CDH13: variants seen among roughly 807,000 people sequenced by gnomAD.
The protein encoded by CDH13 is cadherin 13.
A neutral mutation model predicts 63.8 loss-of-function variants in CDH13; 24 were observed. The ratio of observed to expected loss-of-function variants is 0.38; its 90% CI spans 0.27 to 0.53. The LOEUF (loss-of-function observed/expected upper bound fraction) is 0.53. Among genes scored for constraint, CDH13 ranks in the 20% least tolerant of loss-of-function variants. The probability of loss-of-function intolerance (pLI) is 0.85; values close to 1 mark genes in which losing one functional copy is unlikely to be tolerated. For missense variants in CDH13, 1,049 were observed against 903.1 expected, an observed-to-expected ratio of 1.16 and a Z score of -2.07; for synonymous variants, 503 against 355.3, an observed-to-expected ratio of 1.42 and a Z score of -4.67.
At chr16:83,571,618 T>C (rs777989728) in intron 7 of CDH13, among the ~76,000 whole-genome samples, 5 of 152,146 alleles carry the variant, frequency 3.3e-5, no homozygotes, top group African/African-American at 4.8e-5. Context: ...TGCCACTCCT[T>C]AATGTAACGC....
intron 4 of CDH13, among the ~76,000 whole-genome samples, chr16:83,160,136 T>A (rs1294990633): frequency 6.6e-6 from 1 of 152,148 alleles, no homozygotes; most frequent in Non-Finnish European, 1.5e-5. Flanking sequence ...CTGTTGGATG[T>A]ACCATGATTC....
chr16:83,323,231 T>C (rs865900992), intron 5 of CDH13, among the ~76,000 whole-genome samples: 13 of 141,668 alleles, frequency 9.2e-5, no homozygotes, highest in African/African-American at 2.1e-4. Flanking sequence ...TCTTTCTTTC[T>C]TTCTTTCTTT....
chr16:82,947,012 G>GTA (rs1904803080), intron 2 of CDH13, among the ~76,000 whole-genome samples: 1 of 147,242 alleles, frequency 6.8e-6, no homozygotes, highest in African/African-American at 2.5e-5. Flanking sequence ...GCCTGTGTGT[G>GTA]TGTGTGTGTG....
At chr16:83,075,407 G>C (rs998398540) in intron 3 of CDH13, among the ~76,000 whole-genome samples, 1 of 152,164 alleles carries the variant, frequency 6.6e-6, no homozygotes, top group Non-Finnish European at 1.5e-5. Context: ...TGTGAGCTGG[G>C]TTCTTCTTTC....
rs886988340 is a variant in CDH13, at chr16:83,486,740, G to T, written c.960+85G>T. The stretch of plus-strand genomic sequence containing the variant: ...GGATGATGTGGGGCTCCAGTCAGTG[G>T]TTTTTTTTAATACTGTAAAGGCAGA... On this transcript the variant is annotated intron_variant, in intron 7 of 13. Transcript: ENST00000567109. 17 of 1,299,890 alleles carry T rather than the reference G, an allele frequency of 1.3e-5. No homozygotes were observed. The African/African-American group carries it at 2.1e-4, about 16-fold the overall frequency. The allele number at this position is 1,299,890 out of a possible 1,614,324, so 80.5% of individuals were successfully genotyped here. A position where few individuals can be genotyped will look rare whatever the true frequency, so the allele number is the denominator to read the frequency against.
intron 10 of CDH13, among the ~76,000 whole-genome samples, chr16:83,736,878 C>T (rs959269601): frequency 5.3e-5 from 8 of 152,182 alleles, no homozygotes; most frequent in Non-Finnish European, 1.0e-4. Context: ...CCAGAAGAAA[C>T]TAGGAGCAGA....
intron 6 of CDH13, among the ~76,000 whole-genome samples, chr16:83,371,303 A>G (rs2091363027): frequency 6.6e-6 from 1 of 152,182 alleles, no homozygotes. Context: ...CTGCATCTTC[A>G]GTCACATTCT....
chr16:83,293,675 C>G (rs1276409623), intron 5 of CDH13, among the ~76,000 whole-genome samples: 1 of 152,094 alleles, frequency 6.6e-6, no homozygotes, highest in East Asian at 1.9e-4. Context: ...ATTGATTGAA[C>G]TGGATATTTG....
intron 5 of CDH13, among the ~76,000 whole-genome samples, chr16:83,299,629 G>T (rs532135814): frequency 6.6e-6 from 1 of 152,132 alleles, no homozygotes. Flanking sequence ...TTTAGTGTTT[G>T]TTAAAGCATC....
At chr16:83,380,792 A>C (rs570455568) in intron 6 of CDH13, among the ~76,000 whole-genome samples, 1 of 151,820 alleles carries the variant, frequency 6.6e-6, no homozygotes, top group African/African-American at 2.4e-5. Context: ...TGCAAGGGGG[A>C]TAGAGAATAT....
intron 2 of CDH13, among the ~76,000 whole-genome samples, chr16:82,993,616 A>T (rs1252287250): frequency 6.6e-6 from 1 of 152,202 alleles, no homozygotes; most frequent in African/African-American, 2.4e-5. Context: ...CTGAGTCAGC[A>T]TTAAAGACAT....
intron 2 of CDH13, among the ~76,000 whole-genome samples, chr16:82,979,611 C>T (rs1259778806): frequency 1.3e-5 from 2 of 152,154 alleles, no homozygotes; most frequent in African/African-American, 4.8e-5. Flanking sequence ...GCTTCCTCTT[C>T]CACCATGATC....
chr16:83,089,215 G>C (rs1250645201), intron 3 of CDH13, among the ~76,000 whole-genome samples: 1 of 152,152 alleles, frequency 6.6e-6, no homozygotes, highest in Non-Finnish European at 1.5e-5. Flanking sequence ...GTGAATGGCA[G>C]AACCAAGGAT....
intron 1 of CDH13, among the ~76,000 whole-genome samples, chr16:82,787,627 T>C (rs1597580781): frequency 6.6e-6 from 1 of 152,346 alleles, no homozygotes; most frequent in African/African-American, 2.4e-5. Flanking sequence ...GAATTATTAT[T>C]GTCCTAAATG....
At chr16:83,568,578 C>G (rs115301909) in intron 7 of CDH13, among the ~76,000 whole-genome samples, 1,701 of 152,276 alleles carry the variant, frequency 0.011, 41 homozygotes, top group African/African-American at 0.039. Context: ...CGGAGTAAAT[C>G]TGGCCAGTTC....
intron 6 of CDH13, among the ~76,000 whole-genome samples, chr16:83,384,911 T>A (rs553886364): frequency 6.6e-6 from 1 of 152,356 alleles, no homozygotes; most frequent in Admixed American, 6.5e-5. Context: ...TCTAGGAAAG[T>A]ATTTTGTACA....
intron 5 of CDH13, among the ~76,000 whole-genome samples, chr16:83,231,548 G>A (rs1338708103): frequency 6.6e-6 from 1 of 152,188 alleles, no homozygotes; most frequent in Non-Finnish European, 1.5e-5. Context: ...AGCACAGAGG[G>A]ATTGTTACTT....
chr16:82,897,551 A>C (rs572413599), intron 2 of CDH13, among the ~76,000 whole-genome samples: 1 of 152,296 alleles, frequency 6.6e-6, no homozygotes, highest in East Asian at 1.9e-4. Context: ...ATCCATCCCC[A>C]TTTTATAGAT....
chr16:83,462,545 G>T (rs961997635), intron 6 of CDH13, among the ~76,000 whole-genome samples: 3 of 152,326 alleles, frequency 2.0e-5, no homozygotes, highest in African/African-American at 7.2e-5. Flanking sequence ...GAGGTCAGGA[G>T]TTTGAGACCA....
Sources: allele counts gnomAD v4.1 joint callset (sites outside exome capture counted in the v4.1 genomes callset), GRCh38; gene constraint gnomAD v4.1.1; transcripts MANE v1.5; gene names NCBI Gene and HGNC (gene_info 2026-07-23, HGNC 2026-07-21).